Variants in NOP58 observed in about 807,000 individuals in gnomAD.
NOP58 encodes the protein NOP58 ribonucleoprotein, also known as nucleolar protein 58.
In NOP58, 44 loss-of-function variants were observed where a neutral mutation model predicts 71.2. The observed-to-expected ratio is 0.62, with a 90% CI of 0.49 to 0.79. The LOEUF is 0.79. Ranked by LOEUF, NOP58 falls within the 30% of genes least tolerant of loss-of-function variation. The pLI is 0.00. For synonymous variants in NOP58, 228 were observed against 200.3 expected, an observed-to-expected ratio of 1.14 and a Z score of -1.17; for missense variants, 538 against 620.2, an observed-to-expected ratio of 0.87 and a Z score of 1.41.
At chr2:202,289,569 T>C (rs554291380) in intron 6 of NOP58, among the ~76,000 whole-genome samples, 1 of 152,332 alleles carries the variant, frequency 6.6e-6, no homozygotes, top group South Asian at 2.1e-4. Flanking sequence ...GAAATACTTC[T>C]GGTCCCAAGC....
intron 13 of NOP58, among the ~76,000 whole-genome samples, chr2:202,301,490 A>G (rs1689092718): frequency 1.3e-5 from 2 of 152,034 alleles, no homozygotes; most frequent in African/African-American, 4.8e-5. Context: ...GTCCTCTCCC[A>G]TTTTCTATAT....
At chr2:202,272,683 T>C (rs1019162365) in intron 1 of NOP58, among the ~76,000 whole-genome samples, 9 of 152,218 alleles carry the variant, frequency 5.9e-5, no homozygotes, top group African/African-American at 2.2e-4. Flanking sequence ...TTTTTGAAAT[T>C]GTTCAGAGAA....
At chr2:202,287,935 ACT>A (rs956504643) in intron 6 of NOP58, among the ~76,000 whole-genome samples, 4 of 151,818 alleles carry the variant, frequency 2.6e-5, no homozygotes, top group African/African-American at 2.4e-5. Flanking sequence ...ACATGACAAA[ACT>A]CTGTCTTTAC....
intron 5 of NOP58, among the ~76,000 whole-genome samples, chr2:202,287,077 T>C (rs1374167936): frequency 6.7e-6 from 1 of 149,490 alleles, no homozygotes; most frequent in Non-Finnish European, 1.5e-5. Context: ...TTTTTTTTTT[T>C]TTTTTTTTGA....
intron 6 of NOP58, among the ~76,000 whole-genome samples, chr2:202,289,024 G>A (rs1279677670): frequency 6.6e-6 from 1 of 151,924 alleles, no homozygotes; most frequent in South Asian, 2.1e-4. Context: ...GGAGGCTGAG[G>A]AAGGAGAATC....
In NOP58 at chr2:202,285,661, A is replaced by G. The variant is rs754983693; in HGVS notation, c.434+1180A>G. The stretch of plus-strand genomic sequence containing the variant: ...CAGTCTTCTCCCTATTTTTAATTGC[A>G]TGTTAACCCTATCATATTTCATTAG... On this transcript the variant is annotated intron_variant, in intron 5 of 14. Transcript: ENST00000264279. Among the ~76,000 whole-genome samples the G allele has an allele frequency of 2.0e-5, 3 of 151,904 alleles. 1 individual carries two copies. Among genetic ancestry groups the G allele is most frequent in the Non-Finnish European group, 4.4e-5 (3 of 67,992 alleles).
intron 1 of NOP58, among the ~76,000 whole-genome samples, chr2:202,266,266 A>G (rs1688414382): frequency 6.6e-6 from 1 of 151,672 alleles, no homozygotes; most frequent in African/African-American, 2.4e-5. Flanking sequence ...GGGAATTCGG[A>G]CTTTATTCTA....
At chr2:202,298,027 A>G (rs1324681035) in intron 12 of NOP58, 121 bp downstream of exon 12, 1 of 608,338 alleles carries the variant, frequency 1.6e-6, no homozygotes, top group South Asian at 2.8e-5. Context: ...TATTTATTTG[A>G]CCAAAATTGT....
chr2:202,292,473 C>T (rs547125548), intron 8 of NOP58, among the ~76,000 whole-genome samples: 2 of 151,792 alleles, frequency 1.3e-5, no homozygotes, highest in African/African-American at 2.4e-5. Context: ...CCTGTCTCTA[C>T]TAAAAATACA....
intron 3 of NOP58, 30 bp downstream of exon 3, chr2:202,278,032 T>C: frequency 7.3e-7 from 1 of 1,377,730 alleles, no homozygotes; most frequent in South Asian, 1.2e-5. Flanking sequence ...GCTTGCTTTT[T>C]TGAAAAAATT....
At chr2:202,300,484 T>C in intron 13 of NOP58, 117 bp downstream of exon 13, 1 of 765,292 alleles carries the variant, frequency 1.3e-6, no homozygotes, top group Non-Finnish European at 2.1e-6. Context: ...CATTGAACGC[T>C]AATGGTGTTT....
At chr2:202,282,008 C>G (rs1018140767) in intron 3 of NOP58, among the ~76,000 whole-genome samples, 1 of 152,156 alleles carries the variant, frequency 6.6e-6, no homozygotes, top group Non-Finnish European at 1.5e-5. Flanking sequence ...TCAGGACAGT[C>G]TATTTGAAAT....
Position 202,265,816 on chromosome 2 carries a change from G to C in NOP58, c.-126G>C. 1 of 959,544 alleles carries C rather than the reference G, an allele frequency of 1.0e-6. No individual in the cohort carries two copies. The highest frequency in any genetic ancestry group is 1.9e-5 in the Admixed American group (1 of 52,508). The allele number at this position is 959,544 out of a possible 1,614,324, so 59.4% of individuals were successfully genotyped here. A position where few individuals can be genotyped will look rare whatever the true frequency, so the allele number is the denominator to read the frequency against. On this transcript the variant is annotated 5_prime_UTR_variant, in exon 1 of 15. Coordinates refer to ENST00000264279, the MANE Select transcript of NOP58 (RefSeq NM_015934.5). ...GGCAGCGTGTTCTGATTCTTTGCGG[G>C]ACGGCGAGCGCATTTGTGCTTTGCC...
chr2:202,281,058 T>G (rs1688692964), intron 3 of NOP58, among the ~76,000 whole-genome samples: 1 of 152,082 alleles, frequency 6.6e-6, no homozygotes, highest in Non-Finnish European at 1.5e-5. Context: ...CCTGACTTAT[T>G]AAGCACAAAC....
chr2:202,282,209 C>T (rs1688717313), intron 3 of NOP58, 142 bp from the exon 4 acceptor site: 1 of 654,060 alleles, frequency 1.5e-6, no homozygotes, highest in East Asian at 2.7e-5. Flanking sequence ...ACTTATAAAA[C>T]ATATATCATT....
chr2:202,300,418 T>C (rs575006526), intron 13 of NOP58, 51 bp downstream of exon 13: 1 of 1,448,252 alleles, frequency 6.9e-7, no homozygotes, highest in African/African-American at 1.4e-5. Context: ...TCTTTAGAAC[T>C]GTGGATTTTG....
intron 1 of NOP58, among the ~76,000 whole-genome samples, chr2:202,266,527 G>A (rs1470851096): frequency 6.6e-6 from 1 of 151,964 alleles, no homozygotes; most frequent in Non-Finnish European, 1.5e-5. Context: ...TGTTGGCCAG[G>A]CTGGTCTTGA....
intron 5 of NOP58, among the ~76,000 whole-genome samples, chr2:202,286,954 T>G (rs937663716): frequency 1.3e-5 from 2 of 152,084 alleles, no homozygotes; most frequent in Non-Finnish European, 2.9e-5. Flanking sequence ...ATACAGACAA[T>G]ATTGTTACTC....
chr2:202,271,769 CCT>C (rs748705850), intron 1 of NOP58, among the ~76,000 whole-genome samples: 1 of 152,006 alleles, frequency 6.6e-6, no homozygotes, highest in Non-Finnish European at 1.5e-5. Context: ...AAAGCAAGCC[CCT>C]GTCTCTACAA....
Sources: gnomAD v4.1 joint callset for allele counts (sites outside exome capture counted in the v4.1 genomes callset) on GRCh38, gnomAD v4.1.1 for gene constraint, MANE v1.5 for transcripts, NCBI Gene and HGNC (gene_info 2026-07-23, HGNC 2026-07-21) for gene names.